The following SOX6 variants were observed in gnomAD, a reference collection of about 807,000 sequenced individuals.
The protein encoded by SOX6 is transcription factor SOX-6.
SOX6 carries 11 observed loss-of-function variants against 97.8 expected under a neutral mutation model. That is an observed-to-expected ratio of 0.11 (90% CI 0.07 to 0.19). The LOEUF is 0.19. Ranked by LOEUF, SOX6 falls within the 10% of genes least tolerant of loss-of-function variation. The pLI, the probability that SOX6 is intolerant of heterozygous loss-of-function variation, is 1.00. For missense variants in SOX6, 810 were observed against 1,039.5 expected, an observed-to-expected ratio of 0.78 and a Z score of 3.04; for synonymous variants, 360 against 371.4, an observed-to-expected ratio of 0.97 and a Z score of 0.35.
chr11:16,138,791 A>G (rs1247828960), intron 6 of SOX6, among the ~76,000 whole-genome samples: 5 of 152,050 alleles, frequency 3.3e-5, no homozygotes, highest in African/African-American at 9.6e-5. Flanking sequence ...ATGAGTGAGA[A>G]CATGCGGTGT....
chr11:16,201,844 G>A lies in SOX6; in HGVS notation c.536-14889C>T, dbSNP rs374333446. On this transcript the variant is annotated intron_variant, in intron 4 of 15. Coordinates refer to ENST00000683767, the MANE Select transcript of SOX6 (RefSeq NM_001367873.1). ...GAGACGGGGTTTCACCGTTTTAGCC[G>A]GGATGGTCTCGATCTCCTGACCTCG... is the stretch of plus-strand genomic sequence containing the variant. Among the ~76,000 whole-genome samples, 35 of 135,222 alleles carry A rather than the reference G, an allele frequency of 2.6e-4. 5 individuals carry two copies. In the East Asian group the frequency reaches 9.3e-3, roughly 36 times the overall value. The allele number at this position is 135,222 out of a possible 152,430, so 88.7% of individuals were successfully genotyped here.
In SOX6 at chr11:16,721,122, T is replaced by A. The variant is rs566577959; in HGVS notation, n.354-6217A>T. On this transcript the variant is annotated intron_variant and non_coding_transcript_variant, in intron 2 of 5. Coordinates refer to the SOX6 transcript ENST00000524520. Reference sequence around the variant, plus strand: ...CAATCTCTCCTAAGACAGAGAAAGTTAAAGGCCCCTCTTAATAAAAGGCAA... The same window carrying A: ...CAATCTCTCCTAAGACAGAGAAAGTAAAAGGCCCCTCTTAATAAAAGGCAA... Among the ~76,000 whole-genome samples, 3 of 152,216 alleles carry A rather than the reference T, an allele frequency of 2.0e-5. No homozygotes were observed. In the South Asian group the frequency reaches 6.2e-4, roughly 32 times the overall value.
chr11:16,378,319 A>T (rs1048340439), intron 1 of SOX6, among the ~76,000 whole-genome samples: 1 of 152,120 alleles, frequency 6.6e-6, no homozygotes, highest in African/African-American at 2.4e-5. Context: ...AATCACAGAG[A>T]TTTGGAAGTG....
intron 4 of SOX6, among the ~76,000 whole-genome samples, chr11:16,513,299 T>C (rs926031095): frequency 6.6e-6 from 1 of 151,286 alleles, no homozygotes; most frequent in Admixed American, 6.6e-5. Flanking sequence ...TTTAAAGCAC[T>C]CACACACTCA....
chr11:16,046,469 G>A, intron 12 of SOX6, 45 bp downstream of exon 12: 1 of 1,602,250 alleles, frequency 6.2e-7, no homozygotes, highest in Non-Finnish European at 8.5e-7. Context: ...ATGAGAGTGA[G>A]CCAATAAGTC....
At chr11:16,043,902 G>A (rs1590154398) in intron 12 of SOX6, among the ~76,000 whole-genome samples, 1 of 151,632 alleles carries the variant, frequency 6.6e-6, no homozygotes, top group Non-Finnish European at 1.5e-5. Context: ...ACTGGTTGAT[G>A]CAGGGGTACA....
At chr11:16,554,054 G>A (rs752129944) in intron 4 of SOX6, among the ~76,000 whole-genome samples, 10 of 152,078 alleles carry the variant, frequency 6.6e-5, no homozygotes, top group Non-Finnish European at 1.5e-4. Flanking sequence ...TGGTCATAGG[G>A]ACCTATAGTT....
intron 3 of SOX6, among the ~76,000 whole-genome samples, chr11:16,679,706 G>A (rs965183686): frequency 2.7e-4 from 41 of 152,146 alleles, no homozygotes; most frequent in African/African-American, 9.4e-4. Flanking sequence ...TCACAAGGAA[G>A]TTAAAAATCT....
chr11:16,610,089 G>C lies in SOX6; in HGVS notation n.609+1992C>G, dbSNP rs912118270. 6.6e-6 allele frequency among the ~76,000 whole-genome samples: 1 copy of C among 152,182 alleles called. No homozygotes were observed. Among genetic ancestry groups the C allele is most frequent in the Non-Finnish European group, 1.5e-5 (1 of 68,038 alleles). On this transcript the variant is annotated intron_variant and non_coding_transcript_variant, in intron 4 of 5. Transcript: ENST00000524520. The surrounding 1 kb of genome is among the most constrained non-coding windows in gnomAD (Gnocchi z 4.4). ...GTGTTTCTAGCCCAGACAGGAGTCA[G>C]ATCTCCCCTGTGTGTGTAAGAGTGT...
At chr11:16,436,846 T>C (rs774275715) in intron 1 of SOX6, among the ~76,000 whole-genome samples, 1 of 152,182 alleles carries the variant, frequency 6.6e-6, no homozygotes, top group Non-Finnish European at 1.5e-5. Context: ...TTAAATTCAA[T>C]ATGCATGTAG....
At chr11:16,099,023 C>G (rs935247877) in intron 7 of SOX6, among the ~76,000 whole-genome samples, 1 of 151,776 alleles carries the variant, frequency 6.6e-6, no homozygotes, top group Non-Finnish European at 1.5e-5. Flanking sequence ...TACACAGTCT[C>G]TTTGCATCAT....
intron 4 of SOX6, among the ~76,000 whole-genome samples, chr11:16,505,666 C>T (rs1860773646): frequency 1.3e-5 from 2 of 152,200 alleles, no homozygotes; most frequent in Admixed American, 6.5e-5. Flanking sequence ...TCATGGCAGC[C>T]TCTACCATCA....
chr11:16,554,131 A>G (rs952150135), intron 4 of SOX6, among the ~76,000 whole-genome samples: 2 of 152,126 alleles, frequency 1.3e-5, no homozygotes, highest in African/African-American at 4.8e-5. Flanking sequence ...ACTGTATGCA[A>G]CTTGAGTCTT....
At chr11:16,615,618 A>T (rs147208220) in intron 3 of SOX6, among the ~76,000 whole-genome samples, 1 of 152,204 alleles carries the variant, frequency 6.6e-6, no homozygotes, top group Non-Finnish European at 1.5e-5. Flanking sequence ...AACCACCATA[A>T]ATAATGTGAT....
intron 4 of SOX6, among the ~76,000 whole-genome samples, chr11:16,189,961 A>T (rs1362376956): frequency 3.9e-5 from 6 of 152,134 alleles, no homozygotes; most frequent in Admixed American, 3.9e-4. Flanking sequence ...CTCTTCTTCC[A>T]TCTTAAACAA....
chr11:16,294,109 G>A (rs1324747801), intron 3 of SOX6, among the ~76,000 whole-genome samples: 2 of 151,926 alleles, frequency 1.3e-5, no homozygotes, highest in South Asian at 2.1e-4. Flanking sequence ...GGCCAATCAC[G>A]CTTATTTTCT....
rs562091214 is a variant in SOX6, at chr11:16,068,766, T to G, written c.1102-12865A>C. ...TTTTCAGTCTAAACTCAAGAACCAC[T>G]TTTTCCTTGAAGCGTTATCTGACTA... is the stretch of plus-strand genomic sequence containing the variant. On this transcript the variant is annotated intron_variant, in intron 9 of 15. Coordinates refer to ENST00000683767, the MANE Select transcript of SOX6 (RefSeq NM_001367873.1). Among the ~76,000 whole-genome samples, 5 of 152,332 alleles carry G rather than the reference T, an allele frequency of 3.3e-5. No homozygotes were observed. The East Asian group carries it at 9.7e-4, about 29-fold the overall frequency.
chr11:16,631,932 C>T (rs1021131205), intron 3 of SOX6, among the ~76,000 whole-genome samples: 2 of 152,118 alleles, frequency 1.3e-5, no homozygotes, highest in African/African-American at 4.8e-5. Flanking sequence ...ATTGCAGAAG[C>T]TCTGATTTAT....
intron 4 of SOX6, among the ~76,000 whole-genome samples, chr11:16,496,501 G>C (rs888549169): frequency 6.6e-6 from 1 of 152,198 alleles, no homozygotes; most frequent in South Asian, 2.1e-4. Context: ...CACCGAGCAT[G>C]AGCCAAAGCA....
Sources: gnomAD v4.1 joint callset for allele counts (sites outside exome capture counted in the v4.1 genomes callset) on GRCh38, gnomAD v4.1.1 for gene constraint, Gnocchi (gnomAD v3.1) non-coding constraint, MANE v1.5 for transcripts, NCBI Gene and HGNC (gene_info 2026-07-23, HGNC 2026-07-21) for gene names.